LRRC4C: variants seen among roughly 807,000 people sequenced by gnomAD.
The protein encoded by LRRC4C is leucine-rich repeat-containing protein 4C.
Under a neutral mutation model 33.6 loss-of-function variants are expected in LRRC4C, and 5 were observed. The observed-to-expected ratio is 0.15, with a 90% CI of 0.08 to 0.31. The LOEUF (loss-of-function observed/expected upper bound fraction) is 0.31. Ranked by LOEUF, LRRC4C falls within the 10% of genes least tolerant of loss-of-function variation. The pLI, the probability that LRRC4C is intolerant of heterozygous loss-of-function variation, is 1.00. For missense variants in LRRC4C, 560 were observed against 796.7 expected (o/e 0.70, Z 3.58); for synonymous variants, 329 against 302.0 (o/e 1.09, Z -0.93).
chr11:41,454,437 T>C (rs748808735), intron 1 of LRRC4C, among the ~76,000 whole-genome samples: 2 of 152,242 alleles, frequency 1.3e-5, no homozygotes, highest in Non-Finnish European at 2.9e-5. Context: ...AGAATCCTTC[T>C]AATACTCCCC....
chr11:40,755,327 A>G (rs1259407737), intron 2 of LRRC4C, among the ~76,000 whole-genome samples: 1 of 152,128 alleles, frequency 6.6e-6, no homozygotes, highest in Non-Finnish European at 1.5e-5. Context: ...CTAGAGAGAC[A>G]GTAATTGTCA....
intron 3 of LRRC4C, among the ~76,000 whole-genome samples, chr11:40,339,984 G>A (rs544121284): frequency 6.6e-6 from 1 of 152,200 alleles, no homozygotes; most frequent in African/African-American, 2.4e-5. Context: ...AAGATTGTGT[G>A]GGTGTATGAT....
chr11:41,258,525 TA>T (rs1591084073), intron 1 of LRRC4C, among the ~76,000 whole-genome samples: 1 of 152,116 alleles, frequency 6.6e-6, no homozygotes, highest in South Asian at 2.1e-4. Flanking sequence ...GATCTTAAAA[TA>T]GTCTTTGGAT....
intron 1 of LRRC4C, among the ~76,000 whole-genome samples, chr11:41,089,978 G>A (rs1940288235): frequency 6.6e-6 from 1 of 151,346 alleles, no homozygotes; most frequent in African/African-American, 2.4e-5. Context: ...TAAGGTGATT[G>A]GAAACAATTT....
At chr11:40,773,338 A>C (rs1210357435) in intron 2 of LRRC4C, among the ~76,000 whole-genome samples, 3 of 152,136 alleles carry the variant, frequency 2.0e-5, no homozygotes, top group African/African-American at 4.8e-5. Flanking sequence ...TATACATTTA[A>C]AAATAACTAA....
At chr11:41,449,227 C>T (rs149851934) in intron 1 of LRRC4C, among the ~76,000 whole-genome samples, 1 of 152,160 alleles carries the variant, frequency 6.6e-6, no homozygotes, top group African/African-American at 2.4e-5. Context: ...TTGAAGACAT[C>T]GTCAAAACAG....
chr11:40,981,413 CAA>C (rs113295551), intron 1 of LRRC4C, among the ~76,000 whole-genome samples: 2 of 117,630 alleles, frequency 1.7e-5, no homozygotes, highest in African/African-American at 3.0e-5. Context: ...GACTCCGTCT[CAA>C]AAAAAAAAAA....
intron 1 of LRRC4C, among the ~76,000 whole-genome samples, chr11:41,381,218 A>G (rs1953134236): frequency 6.6e-6 from 1 of 152,162 alleles, no homozygotes; most frequent in African/African-American, 2.4e-5. Flanking sequence ...AAAACACCAA[A>G]GTGGGGGGAA....
At chr11:40,130,112 T>C (rs1856543164) in intron 6 of LRRC4C, among the ~76,000 whole-genome samples, 1 of 152,146 alleles carries the variant, frequency 6.6e-6, no homozygotes, top group Admixed American at 6.5e-5. Context: ...TTTGAGGTGT[T>C]TGGGGGTATG....
Position 41,088,580 on chromosome 11 carries a change from T to C in LRRC4C, c.-495-154857A>G, listed in dbSNP as rs188313972. Among the ~76,000 whole-genome samples the C allele has an allele frequency of 2.9e-3, 441 of 152,218 alleles. 12 individuals carry two copies. The highest frequency in any genetic ancestry group is 0.029 in the Admixed American group (438 of 15,268). The stretch of plus-strand genomic sequence containing the variant: ...AAAATGTTGAGGCAGTGATGTCATC[T>C]TTGAATTTAAAATCTGATTCAAGAA... On this transcript the variant is annotated intron_variant, in intron 1 of 6. Transcript: ENST00000528697.
intron 2 of LRRC4C, among the ~76,000 whole-genome samples, chr11:40,775,815 G>A (rs2137219898): frequency 6.6e-6 from 1 of 152,278 alleles, no homozygotes; most frequent in African/African-American, 2.4e-5. Flanking sequence ...GCACCCTGTT[G>A]AACAGGAATG....
At chr11:40,629,161 T>C (rs1963242388) in intron 3 of LRRC4C, among the ~76,000 whole-genome samples, 2 of 152,308 alleles carry the variant, frequency 1.3e-5, no homozygotes, top group Admixed American at 1.3e-4. Flanking sequence ...TATAAGATAG[T>C]ATAAAATCAG....
intron 1 of LRRC4C, among the ~76,000 whole-genome samples, chr11:41,196,862 A>G (rs1946199973): frequency 6.6e-6 from 1 of 152,070 alleles, no homozygotes; most frequent in Admixed American, 6.6e-5. Context: ...AATTTTTAGT[A>G]ACTCCTGTTC....
chr11:40,241,579 C>G lies in LRRC4C; in HGVS notation c.-156G>C, dbSNP rs1865926827. ...AGTAACTCTGGCCAGTCCCTTCTTT[C>G]TCACTCTCAGTTTCTTGCTCTGCAA... is the stretch of plus-strand genomic sequence containing the variant. On this transcript the variant is annotated 5_prime_UTR_variant, in exon 5 of 7. Transcript: ENST00000528697. The G allele has an allele frequency of 6.6e-6, 1 of 152,150 alleles. No homozygotes were observed. The highest frequency in any genetic ancestry group is 1.5e-5 in the Non-Finnish European group (1 of 68,034). 9.4% of individuals were successfully genotyped at this position (152,150 alleles called of 1,614,324 possible).
intron 5 of LRRC4C, among the ~76,000 whole-genome samples, chr11:40,150,547 T>C (rs1214450618): frequency 2.0e-5 from 3 of 152,244 alleles, no homozygotes; most frequent in Admixed American, 6.5e-5. Flanking sequence ...CTCAAACTCC[T>C]GGCCTCAGCC....
At chr11:40,680,529 G>A (rs903304964) in intron 2 of LRRC4C, among the ~76,000 whole-genome samples, 14 of 152,042 alleles carry the variant, frequency 9.2e-5, no homozygotes, top group East Asian at 3.9e-4. Context: ...TCTTGGAGGC[G>A]GATCTTTCCC....
intron 2 of LRRC4C, among the ~76,000 whole-genome samples, chr11:40,679,084 G>C (rs949198029): frequency 1.3e-5 from 2 of 152,184 alleles, no homozygotes. Context: ...TGAGGAACTT[G>C]TTGGGAACTA....
intron 3 of LRRC4C, among the ~76,000 whole-genome samples, chr11:40,537,907 G>T (rs1956542925): frequency 6.6e-6 from 1 of 152,138 alleles, no homozygotes; most frequent in African/African-American, 2.4e-5. Flanking sequence ...CTCAGCTGCA[G>T]CATAGCCATC....
At chr11:40,671,055 G>A (rs1385646912) in intron 2 of LRRC4C, among the ~76,000 whole-genome samples, 3 of 152,194 alleles carry the variant, frequency 2.0e-5, no homozygotes, top group Non-Finnish European at 2.9e-5. Flanking sequence ...GAGCCACTGC[G>A]CCTGGCCAAG....
Sources: gnomAD v4.1 joint callset for allele counts (sites outside exome capture counted in the v4.1 genomes callset) on GRCh38, gnomAD v4.1.1 for gene constraint, MANE v1.5 for transcripts, NCBI Gene and HGNC (gene_info 2026-07-23, HGNC 2026-07-21) for gene names.